RALYL: variants seen among roughly 807,000 people sequenced by gnomAD.
RALYL encodes RALY RNA binding protein like.
In RALYL, 29 loss-of-function variants were observed where a neutral mutation model predicts 35.1. The ratio of observed to expected loss-of-function variants is 0.83; its 90% CI spans 0.61 to 1.13. RALYL has a LOEUF of 1.13. Among genes scored for constraint, RALYL ranks in the 50% most tolerant of loss-of-function variants. RALYL has a pLI of 0.00. For missense variants in RALYL, 359 were observed against 360.4 expected, an observed-to-expected ratio of 1.00 and a Z score of 0.03; for synonymous variants, 120 against 127.6, an observed-to-expected ratio of 0.94 and a Z score of 0.40.
chr8:84,286,250 T>C (rs1024125492), intron 1 of RALYL, among the ~76,000 whole-genome samples: 4 of 152,148 alleles, frequency 2.6e-5, no homozygotes, highest in Non-Finnish European at 5.9e-5. Context: ...TTTACACAAC[T>C]GAAAGATGCA....
chr8:84,256,400 A>G (rs1831218685), intron 1 of RALYL, among the ~76,000 whole-genome samples: 1 of 152,144 alleles, frequency 6.6e-6, no homozygotes, highest in Non-Finnish European at 1.5e-5. Context: ...CTTATATCGA[A>G]TAGCAGGTAA....
chr8:84,769,978 C>T (rs1815037178), intron 2 of RALYL, among the ~76,000 whole-genome samples: 1 of 152,116 alleles, frequency 6.6e-6, no homozygotes, highest in Non-Finnish European at 1.5e-5. Context: ...GTTTCCAAGT[C>T]CCACACTTTT....
At chr8:84,660,514 A>G (rs182604792) in intron 2 of RALYL, among the ~76,000 whole-genome samples, 62 of 152,168 alleles carry the variant, frequency 4.1e-4, no homozygotes, top group African/African-American at 1.4e-3. Flanking sequence ...AGCATTTAAG[A>G]CAATAAACTT....
At chr8:84,425,194 T>A (rs1426366090) in intron 1 of RALYL, among the ~76,000 whole-genome samples, 2 of 152,146 alleles carry the variant, frequency 1.3e-5, no homozygotes, top group African/African-American at 4.8e-5. Flanking sequence ...GTGCTAGCAA[T>A]CAGCGAGATT....
At chr8:84,643,766 A>G (rs1199328651) in intron 2 of RALYL, among the ~76,000 whole-genome samples, 15 of 152,086 alleles carry the variant, frequency 9.9e-5, no homozygotes, top group Non-Finnish European at 4.4e-5. Context: ...CCACATTCAC[A>G]TCCAAAGTAA....
intron 5 of RALYL, among the ~76,000 whole-genome samples, chr8:84,857,022 G>A (rs1385765977): frequency 2.4e-5 from 3 of 125,598 alleles, no homozygotes; most frequent in Admixed American, 8.7e-5. Flanking sequence ...GCGACAGAGC[G>A]AGACTCCGTC....
intron 1 of RALYL, among the ~76,000 whole-genome samples, chr8:84,315,062 T>C (rs1017583242): frequency 6.6e-6 from 1 of 152,184 alleles, no homozygotes; most frequent in Non-Finnish European, 1.5e-5. Context: ...TGTGGGTACA[T>C]TCCTATATGT....
At chr8:84,692,513 G>A (rs1288376285) in intron 2 of RALYL, among the ~76,000 whole-genome samples, 2 of 152,046 alleles carry the variant, frequency 1.3e-5, no homozygotes, top group Non-Finnish European at 2.9e-5. Context: ...TGCAAAACCT[G>A]TTCATGGATT....
chr8:84,687,091 T>A (rs550017988), intron 2 of RALYL, among the ~76,000 whole-genome samples: 72 of 152,308 alleles, frequency 4.7e-4, no homozygotes, highest in South Asian at 2.3e-3. Flanking sequence ...TTCTGATATA[T>A]TACAAACTTG....
chr8:84,833,080 C>G (rs953063428), intron 4 of RALYL, among the ~76,000 whole-genome samples: 1 of 152,110 alleles, frequency 6.6e-6, no homozygotes, highest in Non-Finnish European at 1.5e-5. Context: ...GCTGTCTTCT[C>G]AAAGGCTCTT....
chr8:84,394,842 C>T (rs1861445653), intron 1 of RALYL, among the ~76,000 whole-genome samples: 1 of 151,836 alleles, frequency 6.6e-6, no homozygotes, highest in Non-Finnish European at 1.5e-5. Context: ...CTTACAAGCT[C>T]ACATAAAAAT....
chr8:84,387,004 C>T (rs760655958), intron 1 of RALYL, among the ~76,000 whole-genome samples: 22 of 151,770 alleles, frequency 1.4e-4, no homozygotes, highest in Non-Finnish European at 2.7e-4. Flanking sequence ...ATTATTGGTT[C>T]CCTTAGATAA....
intron 2 of RALYL, among the ~76,000 whole-genome samples, chr8:84,692,879 G>A (rs1838345488): frequency 6.6e-6 from 1 of 151,960 alleles, no homozygotes; most frequent in Non-Finnish European, 1.5e-5. Flanking sequence ...ACATGGTAAT[G>A]GATCCACGAA....
chr8:84,324,802 C>A (rs1443366371), intron 1 of RALYL, among the ~76,000 whole-genome samples: 2 of 151,982 alleles, frequency 1.3e-5, no homozygotes, highest in South Asian at 4.2e-4. Flanking sequence ...AGCTACTGTA[C>A]CTCCTAGCTG....
intron 2 of RALYL, among the ~76,000 whole-genome samples, chr8:84,740,015 G>T (rs1430197447): frequency 6.6e-6 from 1 of 151,558 alleles, no homozygotes. Flanking sequence ...GTGGTTCCAA[G>T]GTAAAGCAGG....
intron 2 of RALYL, among the ~76,000 whole-genome samples, chr8:84,719,993 T>C (rs1206079173): frequency 6.6e-6 from 1 of 152,134 alleles, no homozygotes; most frequent in African/African-American, 2.4e-5. Flanking sequence ...ATTTTTAGAT[T>C]ATTTATATAA....
At chr8:84,507,577 C>G (rs2057280369) in intron 1 of RALYL, among the ~76,000 whole-genome samples, 1 of 152,066 alleles carries the variant, frequency 6.6e-6, no homozygotes, top group South Asian at 2.1e-4. Context: ...ATTGTCAAGT[C>G]TCATTAAGCA....
chr8:84,424,189 ATCAGACGTAGAT>A (rs1437583927), intron 1 of RALYL, among the ~76,000 whole-genome samples: 1 of 150,026 alleles, frequency 6.7e-6, no homozygotes, highest in Admixed American at 6.6e-5. Context: ...AGGTACACCA[ATCAGACGTAGAT>A]TTGGTCTTTT....
chr8:84,574,540 CTAATT>C (rs1356784142), intron 2 of RALYL, among the ~76,000 whole-genome samples: 1 of 152,072 alleles, frequency 6.6e-6, no homozygotes, highest in Non-Finnish European at 1.5e-5. Context: ...CCTATTATCA[CTAATT>C]ATCCCTCTCT....
Sources: gnomAD v4.1 joint callset for allele counts (sites outside exome capture counted in the v4.1 genomes callset) on GRCh38, gnomAD v4.1.1 for gene constraint, MANE v1.5 for transcripts, NCBI Gene and HGNC (gene_info 2026-07-23, HGNC 2026-07-21) for gene names.